Variants in YARS1 observed in about 807,000 individuals in gnomAD.
YARS1 encodes the protein tyrosine--tRNA ligase, cytoplasmic.
In YARS1, 36 loss-of-function variants were observed where a neutral mutation model predicts 62.2. That is an observed-to-expected ratio of 0.58 (90% CI 0.44 to 0.76). The LOEUF is 0.76. Ranked by LOEUF, YARS1 falls within the 30% of genes least tolerant of loss-of-function variation. The pLI is 0.00. For synonymous variants in YARS1, 234 were observed against 244.9 expected, an observed-to-expected ratio of 0.96 and a Z score of 0.42; for missense variants, 524 against 639.8, an observed-to-expected ratio of 0.82 and a Z score of 1.95.
intron 4 of YARS1, among the ~76,000 whole-genome samples, chr1:32,800,602 T>C (rs150056288): frequency 0.01 from 1,596 of 152,212 alleles, 13 homozygotes; most frequent in Middle Eastern, 0.031. Flanking sequence ...TTTTTTTTTT[T>C]GGAGATGGAG....
intron 6 of YARS1, 119 bp downstream of exon 6, chr1:32,791,043 G>A (rs1653396640): frequency 1.1e-6 from 1 of 945,592 alleles, no homozygotes; most frequent in Non-Finnish European, 1.7e-6. Flanking sequence ...AATGGTGTAA[G>A]GCTCCTTCTA....
At position 32,817,209 on chromosome 1, in the gene YARS1, G is replaced by A. The variant is rs1638772974; in HGVS notation, c.36C>T (p.His12=). ...TGACCTGCAGGTTCCGGGTGATAAGGTGCAGTTTCTCTTCAGGGCTGGGAG... is the reference window on the plus strand; with the variant it reads ...TGACCTGCAGGTTCCGGGTGATAAGATGCAGTTTCTCTTCAGGGCTGGGAG... ...GDAPSPEEKL[H]LITRNLQEVL... Residue 12 remains histidine (H), a synonymous_variant, in exon 1 of 13, where the codon CAC becomes CAT. Transcript: ENST00000373477. 1 of 1,614,216 alleles carries A rather than the reference G, an allele frequency of 6.2e-7. No individual in the cohort carries two copies. Among genetic ancestry groups the A allele is most frequent in the Non-Finnish European group, 8.5e-7 (1 of 1,180,026 alleles).
Position 32,775,767 on chromosome 1 carries a change from C to T in YARS1, c.*214G>A. 3 of 598,486 alleles carry T rather than the reference C, an allele frequency of 5.0e-6. No individual in the cohort carries two copies. The highest frequency in any genetic ancestry group is 9.0e-6 in the Non-Finnish European group (3 of 333,820). 37.1% of individuals were successfully genotyped at this position (598,486 alleles called of 1,614,324 possible). A position where few individuals can be genotyped will look rare whatever the true frequency, so the allele number is the denominator to read the frequency against. The stretch of plus-strand genomic sequence containing the variant: ...GCTGGACTCCCTGCTGTGGCCCAGC[C>T]CTTGTTAGGGGTTGGTCTCTCACTG... On this transcript the variant is annotated 3_prime_UTR_variant, in exon 13 of 13. Coordinates refer to ENST00000373477, the MANE Select transcript of YARS1 (RefSeq NM_003680.4).
chr1:32,779,821 C>T, intron 11 of YARS1: 1 of 608,560 alleles, frequency 1.6e-6, no homozygotes, highest in Admixed American at 2.9e-5. Flanking sequence ...TGAATCCCTG[C>T]TCCACTCCTT....
Position 32,775,820 on chromosome 1 carries a change from G to A in YARS1, c.*161C>T, listed in dbSNP as rs2148597295. 1.5e-6 allele frequency: 1 copy of A among 685,476 alleles called. No homozygotes were observed. 42.5% of individuals were successfully genotyped at this position (685,476 alleles called of 1,614,324 possible). On this transcript the variant is annotated 3_prime_UTR_variant, in exon 13 of 13. Coordinates refer to ENST00000373477, the MANE Select transcript of YARS1 (RefSeq NM_003680.4). ...GCCAGACAGGATGATCCTGGGTTCT[G>A]GGGAGGGTAAGCTGCCCCTTGCCGA...
chr1:32,805,336 T>C (rs1046189209), intron 4 of YARS1, among the ~76,000 whole-genome samples: 1 of 150,394 alleles, frequency 6.6e-6, no homozygotes, highest in Non-Finnish European at 1.5e-5. Context: ...ATGGCTTTTT[T>C]CCCTTTAAAT....
intron 1 of YARS1, among the ~76,000 whole-genome samples, chr1:32,812,047 G>C (rs1041804615): frequency 6.6e-6 from 1 of 152,004 alleles, no homozygotes; most frequent in African/African-American, 2.4e-5. Context: ...TTTGAGACAA[G>C]GTCTTGCTAT....
intron 6 of YARS1, 144 bp downstream of exon 6, chr1:32,791,018 C>T: frequency 2.5e-6 from 2 of 790,398 alleles, no homozygotes. Context: ...TACTCAAGAA[C>T]CACTAAACTA....
chr1:32,779,333 C>G (rs1652979726), intron 12 of YARS1, 49 bp downstream of exon 12: 1 of 1,613,844 alleles, frequency 6.2e-7, no homozygotes, highest in Non-Finnish European at 8.5e-7. Flanking sequence ...AGTCTGGGGA[C>G]ACAGTCCAGG....
chr1:32,790,617 G>A (rs542990379), intron 6 of YARS1: 2 of 151,216 alleles, frequency 1.3e-5, no homozygotes, highest in African/African-American at 4.9e-5. Context: ...AATCTCTATG[G>A]ACAAGGTCTA....
intron 1 of YARS1, 177 bp from the exon 2 acceptor site, chr1:32,811,234 G>A (rs1638578058): frequency 1.4e-5 from 14 of 992,562 alleles, no homozygotes; most frequent in Non-Finnish European, 2.0e-5. Context: ...AATCTGAATT[G>A]ACTCTCCCTT....
At chr1:32,778,912 G>A (rs1318400904) in intron 12 of YARS1, among the ~76,000 whole-genome samples, 1 of 151,304 alleles carries the variant, frequency 6.6e-6, no homozygotes, top group Non-Finnish European at 1.5e-5. Flanking sequence ...CTAATTTTTT[G>A]TATTTTTAGT....
Position 32,775,894 on chromosome 1 carries a change from A to C in YARS1, c.*87T>G. ...AAACCCGCTGCTTCCGTGTCCTGAG[A>C]GATGGGTAAATGGGTGATGGATGGA... On this transcript the variant is annotated 3_prime_UTR_variant, in exon 13 of 13. Coordinates refer to ENST00000373477, the MANE Select transcript of YARS1 (RefSeq NM_003680.4). The C allele has an allele frequency of 8.0e-7, 1 of 1,249,324 alleles. No homozygotes were observed. Among genetic ancestry groups the C allele is most frequent in the East Asian group, 2.3e-5 (1 of 42,594 alleles). The allele number at this position is 1,249,324 out of a possible 1,614,324, so 77.4% of individuals were successfully genotyped here. A position where few individuals can be genotyped will look rare whatever the true frequency, so the allele number is the denominator to read the frequency against.
At chr1:32,790,175 G>A (rs1368257284) in intron 6 of YARS1, among the ~76,000 whole-genome samples, 9 of 141,500 alleles carry the variant, frequency 6.4e-5, no homozygotes, top group South Asian at 4.6e-4. Context: ...GAGCCACCAC[G>A]CAGGCCTTTT....
chr1:32,790,631 A>G (rs1251601527), intron 6 of YARS1: 1 of 155,888 alleles, frequency 6.4e-6, no homozygotes, highest in African/African-American at 2.4e-5. Flanking sequence ...AGGTCTAATC[A>G]ACACTTTTTT....
At chr1:32,789,611 C>T (rs138879525) in intron 6 of YARS1, among the ~76,000 whole-genome samples, 2,316 of 147,484 alleles carry the variant, frequency 0.016, 60 homozygotes, top group African/African-American at 0.054. Flanking sequence ...TTTTTTAAGA[C>T]GGAGTCTCAC....
At chr1:32,786,836 C>T (rs953438950) in intron 7 of YARS1, 104 bp downstream of exon 7, 13 of 1,440,130 alleles carry the variant, frequency 9.0e-6, no homozygotes, top group Non-Finnish European at 1.3e-5. Context: ...AGAATCAGGG[C>T]AGCCAGTCCC....
Position 32,806,620 on chromosome 1 carries a change from G to T in YARS1, c.381-9C>A. 2 of 1,614,138 alleles carry T rather than the reference G, an allele frequency of 1.2e-6. No individual in the cohort carries two copies. Among genetic ancestry groups the T allele is most frequent in the Non-Finnish European group, 1.7e-6 (2 of 1,180,014 alleles). The stretch of plus-strand genomic sequence containing the variant: ...CATCTAGTGTGTACTCTCTGAAGAG[G>T]AAAGGAAGAGGGGACAGCTGTAAAC... On this transcript the variant is annotated splice_polypyrimidine_tract_variant and intron_variant, in intron 3 of 12. Coordinates refer to ENST00000373477, the MANE Select transcript of YARS1 (RefSeq NM_003680.4).
At chr1:32,813,112 C>T (rs1638623490) in intron 1 of YARS1, among the ~76,000 whole-genome samples, 1 of 152,088 alleles carries the variant, frequency 6.6e-6, no homozygotes. Context: ...CTAGAACCCC[C>T]ACCCCCTTTC....
Sources: gnomAD v4.1 joint callset for allele counts (sites outside exome capture counted in the v4.1 genomes callset) on GRCh38, gnomAD v4.1.1 for gene constraint, MANE v1.5 for transcripts, NCBI Gene and HGNC (gene_info 2026-07-23, HGNC 2026-07-21) for gene names.